The following BRCA2 variants were observed in gnomAD, a reference collection of about 807,000 sequenced individuals.
BRCA2 encodes the protein BRCA2 DNA repair associated, also known as breast cancer type 2 susceptibility protein.
In BRCA2, 203 loss-of-function variants were observed where a neutral mutation model predicts 276.7. The observed-to-expected ratio is 0.73, with a 90% CI of 0.65 to 0.82. The LOEUF (loss-of-function observed/expected upper bound fraction) is 0.82, where lower values mean the gene tolerates loss of function less well. Ranked by LOEUF, BRCA2 falls within the 40% of genes least tolerant of loss-of-function variation. The pLI, the probability that BRCA2 is intolerant of heterozygous loss-of-function variation, is 0.00. For synonymous variants in BRCA2, 1,289 were observed against 1,338.4 expected (o/e 0.96, Z 0.81); for missense variants, 3,920 against 3,915.0 (o/e 1.00, Z -0.03).
At chr13:32,316,959 A>C (rs1163542511) in intron 2 of BRCA2, among the ~76,000 whole-genome samples, 2 of 152,324 alleles carry the variant, frequency 1.3e-5, no homozygotes, top group East Asian at 3.9e-4. Flanking sequence ...GCACTTTGGG[A>C]GGCCGAGGTG....
At chr13:32,344,491 A>C in intron 11 of BRCA2, 67 bp from the exon 12 acceptor site, 1 of 1,083,000 alleles carries the variant, frequency 9.2e-7, no homozygotes, top group Non-Finnish European at 1.4e-6. Flanking sequence ...AAAATGGTCT[A>C]TAGACTTTTG....
chr13:32,347,304 T>C (rs2072618722), intron 13 of BRCA2, among the ~76,000 whole-genome samples: 1 of 152,012 alleles, frequency 6.6e-6, no homozygotes, highest in South Asian at 2.1e-4. Flanking sequence ...CAACAAAAGT[T>C]TGGAAGCCAA....
rs80358670 is a variant in BRCA2, at chr13:32,338,680, C to G, written c.4325C>G (p.Ser1442Ter). Residue 1442 changes from serine (S) to a stop codon, truncating the protein, a stop_gained, in exon 11 of 27, where the codon TCA becomes TGA. Coordinates refer to ENST00000380152, the MANE Select transcript of BRCA2 (RefSeq NM_000059.4). LOFTEE classifies it high-confidence loss of function. ...AAAAATATTAGTGTCGCCAAAGAGTCATTTAATAAAATTGTAAATTTCTTT... is the reference window on the plus strand; with the variant it reads ...AAAAATATTAGTGTCGCCAAAGAGTGATTTAATAAAATTGTAAATTTCTTT... ...SGKNISVAKE[S>*]FNKIVNFFDQ... 1 of 1,593,206 alleles carries G rather than the reference C, an allele frequency of 6.3e-7. No individual in the cohort carries two copies. The highest frequency in any genetic ancestry group is 2.2e-5 in the East Asian group (1 of 44,446).
At chr13:32,346,773 T>G in intron 12 of BRCA2, 54 bp from the exon 13 acceptor site, 8 of 1,438,950 alleles carry the variant, frequency 5.6e-6, no homozygotes, top group South Asian at 1.2e-5. Context: ...TACAGTAACA[T>G]GGATATTCTC....
chr13:32,391,236 C>T (rs1188231891), intron 24 of BRCA2, among the ~76,000 whole-genome samples: 2 of 152,160 alleles, frequency 1.3e-5, no homozygotes, highest in African/African-American at 4.8e-5. Context: ...GGGAAACAGA[C>T]TTACAGATTT....
Position 32,370,991 on chromosome 13 carries a change from T to G in BRCA2, c.8523T>G (p.Phe2841Leu). 2 of 1,614,146 alleles carry G rather than the reference T, an allele frequency of 1.2e-6. No individual in the cohort carries two copies. The highest frequency in any genetic ancestry group is 1.7e-6 in the Non-Finnish European group (2 of 1,180,014). ...MEKTSSGLYI[F>L]RNEREEEKEA... ...AGACATCATCTGGATTATACATATT[T>G]CGCAATGAAAGAGAGGAAGAAAAGG... is the stretch of plus-strand genomic sequence containing the variant. Residue 2841 changes from phenylalanine to leucine, a missense_variant, in exon 20 of 27, where the codon TTT (phenylalanine) becomes TTG (leucine). Coordinates refer to ENST00000380152, the MANE Select transcript of BRCA2 (RefSeq NM_000059.4).
intron 26 of BRCA2, among the ~76,000 whole-genome samples, chr13:32,397,613 T>C (rs1390813210): frequency 6.6e-6 from 1 of 152,196 alleles, no homozygotes; most frequent in Non-Finnish European, 1.5e-5. Context: ...TGTTGAAGAT[T>C]TAAATGACAT....
intron 14 of BRCA2, among the ~76,000 whole-genome samples, chr13:32,355,665 C>T (rs978794630): frequency 3.9e-5 from 6 of 151,956 alleles, no homozygotes; most frequent in African/African-American, 7.2e-5. Context: ...AGTTCAAGAC[C>T]AGCCTGGCCA....
intron 12 of BRCA2, 79 bp from the exon 13 acceptor site, chr13:32,346,748 A>G: frequency 8.4e-7 from 1 of 1,193,624 alleles, no homozygotes; most frequent in Non-Finnish European, 1.2e-6. Context: ...AATTGTCTCA[A>G]ATTTTTTGTG....
chr13:32,329,556 ATTAT>A, intron 8 of BRCA2, 64 bp downstream of exon 8: 1 of 1,239,940 alleles, frequency 8.1e-7, no homozygotes, highest in South Asian at 1.3e-5. Flanking sequence ...GCCTTGTTAA[ATTAT>A]TTATCTTACA....
intron 7 of BRCA2, among the ~76,000 whole-genome samples, 197 bp from the exon 8 acceptor site, chr13:32,329,246 T>C (rs2072371033): frequency 1.3e-5 from 2 of 152,224 alleles, no homozygotes; most frequent in Admixed American, 1.3e-4. Context: ...TTGTGAGTAG[T>C]ACTAAGGAAG....
intron 18 of BRCA2, among the ~76,000 whole-genome samples, chr13:32,367,090 T>C (rs574238429): frequency 6.6e-6 from 1 of 152,144 alleles, no homozygotes; most frequent in South Asian, 2.1e-4. Flanking sequence ...CTTAGGAGTG[T>C]AATAGAATAG....
At chr13:32,355,874 C>T (rs558812403) in intron 14 of BRCA2, among the ~76,000 whole-genome samples, 1 of 151,694 alleles carries the variant, frequency 6.6e-6, no homozygotes, top group African/African-American at 2.4e-5. Context: ...GAGTGAAAAA[C>T]TCTGTCTCAA....
intron 4 of BRCA2, 66 bp downstream of exon 4, chr13:32,325,250 A>G (rs1277198334): frequency 1.7e-6 from 2 of 1,206,608 alleles, no homozygotes; most frequent in Non-Finnish European, 2.4e-6. Context: ...TTGTTCTATA[A>G]AGATGAATCT....
At position 32,326,628 on chromosome 13, in the gene BRCA2, T is replaced by A. The variant is rs1172653825; in HGVS notation, c.631+15T>A. ...TGTGCTCATAGGTAATAATAGCAAA[T>A]GTGTATTTACAAGAAAGAGCAGATG... On this transcript the variant is annotated intron_variant, in intron 7 of 26. Transcript: ENST00000380152. The A allele has an allele frequency of 1.3e-6, 2 of 1,547,660 alleles. No individual in the cohort carries two copies. The highest frequency in any genetic ancestry group is 2.7e-5 in the African/African-American group (2 of 73,384).
At chr13:32,382,529 A>C (rs2072931261) in intron 24 of BRCA2, among the ~76,000 whole-genome samples, 1 of 152,232 alleles carries the variant, frequency 6.6e-6, no homozygotes, top group African/African-American at 2.4e-5. Flanking sequence ...CATAGAATTG[A>C]TAATGAAGTG....
chr13:32,380,471 T>G (rs113973603), intron 24 of BRCA2, among the ~76,000 whole-genome samples: 80 of 152,200 alleles, frequency 5.3e-4, no homozygotes, highest in African/African-American at 1.7e-3. Context: ...GTCCTCAATT[T>G]ATTTCCTTAG....
At chr13:32,391,525 G>T (rs1173824388) in intron 24 of BRCA2, among the ~76,000 whole-genome samples, 1 of 152,230 alleles carries the variant, frequency 6.6e-6, no homozygotes, top group Non-Finnish European at 1.5e-5. Context: ...CTCCCCAGAA[G>T]CTGGAGGATC....
rs876659201 is a variant in BRCA2 at position 32,339,180 on chromosome 13, A to G, written c.4825A>G (p.Thr1609Ala). The change falls in exon 11 of 27, where the codon ACT (threonine) becomes GCT (alanine). Residue 1609 changes from threonine to alanine, a missense_variant. Physicochemically the swap from Thr to Ala is moderately conservative, Grantham distance 58. Transcript: ENST00000380152. ...TGATAAAAACCTTGTTTCTATTGAG[A>G]CTGTGGTGCCACCTAAGCTCTTAAG... ...NNDKNLVSIE[T>A]VVPPKLLSDN... 6.2e-7 allele frequency: 1 copy of G among 1,613,828 alleles called. No homozygotes were observed. The highest frequency in any genetic ancestry group is 8.5e-7 in the Non-Finnish European group (1 of 1,179,782).
Sources: allele counts gnomAD v4.1 joint callset (sites outside exome capture counted in the v4.1 genomes callset), GRCh38; gene constraint gnomAD v4.1.1; transcripts MANE v1.5; gene names NCBI Gene and HGNC (gene_info 2026-07-23, HGNC 2026-07-21).